PDE12: variants seen among roughly 807,000 people sequenced by gnomAD.
PDE12 encodes phosphodiesterase 12, also known as 2',5'-phosphodiesterase 12.
Under a neutral mutation model 45.4 loss-of-function variants are expected in PDE12, and 26 were observed. That is an observed-to-expected ratio of 0.57 (90% confidence interval 0.42 to 0.79). The LOEUF is 0.79. Ranked by LOEUF, PDE12 falls within the 30% of genes least tolerant of loss-of-function variation. The pLI is 0.00. For synonymous variants in PDE12, 283 were observed against 323.9 expected, an observed-to-expected ratio of 0.87 and a Z score of 1.36; for missense variants, 668 against 790.0, an observed-to-expected ratio of 0.85 and a Z score of 1.85.
the PDE12 span, among the ~76,000 whole-genome samples, chr3:57,591,559 C>T: frequency 5.4e-4 from 82 of 151,880 alleles, no homozygotes; most frequent in African/African-American, 1.7e-3. Context: ...CTCCACCTCC[C>T]GGGTTCAAGG....
chr3:57,594,482 G>A, the PDE12 span, among the ~76,000 whole-genome samples: 1 of 152,142 alleles, frequency 6.6e-6, no homozygotes, highest in Non-Finnish European at 1.5e-5. Flanking sequence ...TCAATCAATA[G>A]TTCAGATGAT....
At chr3:57,558,940 G>A (rs2069695986) in intron 1 of PDE12, among the ~76,000 whole-genome samples, 1 of 151,918 alleles carries the variant, frequency 6.6e-6, no homozygotes, top group Admixed American at 6.6e-5. Context: ...ATAAAAAACA[G>A]GCCGGGCCTG....
the PDE12 span, among the ~76,000 whole-genome samples, chr3:57,653,606 T>C: frequency 1.3e-5 from 2 of 151,662 alleles, no homozygotes; most frequent in Admixed American, 6.6e-5. Context: ...ATTAGCCGGA[T>C]GTAGTGGCAC....
At chr3:57,606,393 T>C in the PDE12 span, among the ~76,000 whole-genome samples, 1 of 152,002 alleles carries the variant, frequency 6.6e-6, no homozygotes, top group African/African-American at 2.4e-5. Context: ...AAATATCTTA[T>C]AAAAAGAAGG....
rs142257677 is a variant in PDE12, at chr3:57,556,817, G to C, written c.438G>C (p.Ala146=). ...VLNVDAWQDG[A]VLQIGDVKYK... is the part of the protein sequence containing the mutation. ...ACGTGGATGCCTGGCAAGACGGCGC[G>C]GTGCTGCAGATCGGCGATGTTAAGT... is the stretch of plus-strand genomic sequence containing the variant. The change falls in exon 1 of 3, where the codon GCG becomes GCC. Residue 146 remains alanine (A), a synonymous_variant. Transcript: ENST00000311180. This position sits in a 1 kb window ranked among gnomAD's most constrained non-coding sequence, Gnocchi z 5.0. 40 of 1,613,080 alleles carry C rather than the reference G, an allele frequency of 2.5e-5. No individual in the cohort carries two copies. The highest frequency in any genetic ancestry group is 1.6e-4 in the Middle Eastern group (1 of 6,082).
the PDE12 span, among the ~76,000 whole-genome samples, chr3:57,582,792 G>A: frequency 6.6e-6 from 1 of 152,086 alleles, no homozygotes; most frequent in Non-Finnish European, 1.5e-5. Flanking sequence ...AAATTCCTTG[G>A]GTGGTAGAAA....
chr3:57,628,544 A>T, the PDE12 span, among the ~76,000 whole-genome samples: 100 of 152,344 alleles, frequency 6.6e-4, 1 homozygote, highest in Admixed American at 1.2e-3. Flanking sequence ...TTCTATGTAA[A>T]TTCATAATAA....
chr3:57,621,408 G>A, the PDE12 span, among the ~76,000 whole-genome samples: 337 of 152,312 alleles, frequency 2.2e-3, 1 homozygote, highest in Non-Finnish European at 3.7e-3. Context: ...GTTGGCTAAC[G>A]CCTGTAATCC....
In PDE12 at chr3:57,561,665, C is replaced by T. The variant is rs1159286060; in HGVS notation, c.*1661C>T. The T allele has an allele frequency of 1.0e-6, 1 of 984,896 alleles. No individual in the cohort carries two copies. The highest frequency in any genetic ancestry group is 1.2e-6 in the Non-Finnish European group (1 of 829,492). The allele number at this position is 984,896 out of a possible 1,614,324, so 61.0% of individuals were successfully genotyped here. On this transcript the variant is annotated 3_prime_UTR_variant, in exon 3 of 3. Coordinates refer to ENST00000311180, the MANE Select transcript of PDE12 (RefSeq NM_177966.7). ...ATAGCTCGAGTATTAAAAGCCCACT[C>T]CCTTCAAGAAAAGCTTTGATTTTCC...
downstream of PDE12, among the ~76,000 whole-genome samples, chr3:57,570,081 G>C (rs552638437): frequency 2.8e-4 from 43 of 152,192 alleles, no homozygotes; most frequent in African/African-American, 1.0e-3. Context: ...AATGACACCT[G>C]TCTTCTTTGG....
At chr3:57,598,222 A>G in the PDE12 span, 3 of 152,148 alleles carry the variant, frequency 2.0e-5, no homozygotes, top group Non-Finnish European at 4.4e-5. Flanking sequence ...AATTCACAGC[A>G]ATGATAAATG....
chr3:57,641,889 A>C, the PDE12 span: 1 of 573,854 alleles, frequency 1.7e-6, no homozygotes, highest in Non-Finnish European at 2.9e-6. Context: ...TATCAACTAC[A>C]TGCCAGGCAA....
chr3:57,615,006 G>GT, the PDE12 span, among the ~76,000 whole-genome samples: 35 of 146,636 alleles, frequency 2.4e-4, no homozygotes, highest in Admixed American at 6.9e-4. Flanking sequence ...AAAAAAAAAA[G>GT]TTTTTTTTAT....
the PDE12 span, chr3:57,598,257 G>C: frequency 6.6e-6 from 1 of 152,120 alleles, no homozygotes; most frequent in Non-Finnish European, 1.5e-5. Context: ...CCAGGATAAA[G>C]ATTTAATCTA....
chr3:57,629,981 G>A, the PDE12 span, among the ~76,000 whole-genome samples: 2 of 152,300 alleles, frequency 1.3e-5, no homozygotes, highest in African/African-American at 2.4e-5. Context: ...TCTCTGGTTT[G>A]TAGCATTTGC....
At chr3:57,584,060 C>T in the PDE12 span, 4 of 1,230,728 alleles carry the variant, frequency 3.3e-6, no homozygotes, top group Admixed American at 4.3e-5. Context: ...GAAAATAAAA[C>T]CTTTTATTGT....
chr3:57,614,553 T>G, the PDE12 span, among the ~76,000 whole-genome samples: 9 of 104,708 alleles, frequency 8.6e-5, no homozygotes, highest in East Asian at 7.4e-4. Flanking sequence ...TGTTTTTTTT[T>G]TTTTTTTTTG....
At chr3:57,628,685 G>T in the PDE12 span, 2 of 951,808 alleles carry the variant, frequency 2.1e-6, no homozygotes, top group Non-Finnish European at 1.6e-6. Flanking sequence ...ACCATCAATT[G>T]ACCAATTTCA....
the PDE12 span, chr3:57,633,416 TATCAGATTCAATTGCTATGTA>T: frequency 7.5e-7 from 1 of 1,331,230 alleles, no homozygotes; most frequent in Non-Finnish European, 1.1e-6. Flanking sequence ...AATGGATAAC[TATCAGATTCAATTGCTATGTA>T]AATATACATT....
Sources: gnomAD v4.1 joint callset for allele counts (sites outside exome capture counted in the v4.1 genomes callset) on GRCh38, gnomAD v4.1.1 for gene constraint, Gnocchi (gnomAD v3.1) non-coding constraint, MANE v1.5 for transcripts, NCBI Gene and HGNC (gene_info 2026-07-23, HGNC 2026-07-21) for gene names.